Variants in GRIP1 observed in about 807,000 individuals in gnomAD.
GRIP1 encodes the protein glutamate receptor interacting protein 1.
In GRIP1, 45 loss-of-function variants were observed where a neutral mutation model predicts 129.9. That is an observed-to-expected ratio of 0.35 (90% confidence interval 0.27 to 0.44). The LOEUF is 0.44. Ranked by LOEUF, GRIP1 falls within the 20% of genes least tolerant of loss-of-function variation. The probability of loss-of-function intolerance (pLI) is 1.00; values close to 1 mark genes in which losing one functional copy is unlikely to be tolerated. For synonymous variants in GRIP1, 530 were observed against 520.8 expected, an observed-to-expected ratio of 1.02 and a Z score of -0.24; for missense variants, 1,196 against 1,396.8, an observed-to-expected ratio of 0.86 and a Z score of 2.29.
chr12:66,500,998 T>C (rs1342451055), intron 7 of GRIP1, among the ~76,000 whole-genome samples: 4 of 152,208 alleles, frequency 2.6e-5, no homozygotes, highest in Non-Finnish European at 1.5e-5. Flanking sequence ...TCTGACCTCC[T>C]GACCTCAAGA....
At chr12:66,798,885 C>G (rs1385169131) in intron 1 of GRIP1, among the ~76,000 whole-genome samples, 1 of 151,798 alleles carries the variant, frequency 6.6e-6, no homozygotes, top group Non-Finnish European at 1.5e-5. Flanking sequence ...GCCTACTGTT[C>G]AAAAAAATAA....
intron 1 of GRIP1, among the ~76,000 whole-genome samples, chr12:66,895,103 C>T (rs1224408026): frequency 1.3e-5 from 2 of 152,334 alleles, no homozygotes; most frequent in Non-Finnish European, 2.9e-5. Flanking sequence ...GAACTGCCTT[C>T]ACCACACCCA....
chr12:66,508,591 C>T (rs141370607), intron 7 of GRIP1, among the ~76,000 whole-genome samples: 37 of 152,114 alleles, frequency 2.4e-4, no homozygotes, highest in African/African-American at 8.7e-4. Context: ...TATAGTTTTG[C>T]AAAGTTTGTG....
intron 1 of GRIP1, among the ~76,000 whole-genome samples, chr12:66,790,461 T>C (rs2038495118): frequency 6.6e-6 from 1 of 152,192 alleles, no homozygotes; most frequent in Non-Finnish European, 1.5e-5. Context: ...TCCACTATTC[T>C]AGTTGTCTAC....
intron 1 of GRIP1, among the ~76,000 whole-genome samples, chr12:66,877,404 A>G (rs1203706820): frequency 1.3e-5 from 2 of 152,078 alleles, no homozygotes; most frequent in African/African-American, 4.8e-5. Flanking sequence ...AGGCAGTGTT[A>G]TTAAATTTTT....
At chr12:66,353,595 G>C in intron 23 of GRIP1, 32 bp from the exon 24 acceptor site, 1 of 1,606,646 alleles carries the variant, frequency 6.2e-7, no homozygotes, top group Non-Finnish European at 8.5e-7. Context: ...TGAATATTTA[G>C]CTGGGGTGGA....
intron 20 of GRIP1, 135 bp from the exon 21 acceptor site, chr12:66,377,420 C>G: frequency 2.9e-6 from 2 of 691,350 alleles, no homozygotes; most frequent in Non-Finnish European, 5.2e-6. Flanking sequence ...CTCCGCCTCC[C>G]GGGTTCACAC....
chr12:66,353,664 A>C, intron 23 of GRIP1, 101 bp from the exon 24 acceptor site: 1 of 1,012,290 alleles, frequency 9.9e-7, no homozygotes, highest in Non-Finnish European at 1.6e-6. Context: ...TAGTCACATC[A>C]TGATTTGTAA....
rs564710249 is a variant in GRIP1 at position 66,868,894 on chromosome 12, T to C, written c.58+200156A>G. On this transcript the variant is annotated intron_variant, in intron 1 of 1. Coordinates refer to the GRIP1 transcript ENST00000643019. ...ACATGAGGACAAAATGTACAACTTG[T>C]CGTTTACAAAGTTATCTTTCACAAG... Among the ~76,000 whole-genome samples, 17 of 152,262 alleles carry C rather than the reference T, an allele frequency of 1.1e-4. No individual in the cohort carries two copies. The South Asian group carries it at 3.3e-3, about 30-fold the overall frequency.
intron 1 of GRIP1, among the ~76,000 whole-genome samples, chr12:66,739,686 CA>C (rs199909603): frequency 0.021 from 3,256 of 151,482 alleles, 71 homozygotes; most frequent in Non-Finnish European, 0.032. Context: ...CACCATGGCA[CA>C]CATTTACCTA....
At chr12:66,478,805 C>T (rs960009864) in intron 7 of GRIP1, among the ~76,000 whole-genome samples, 1 of 152,126 alleles carries the variant, frequency 6.6e-6, no homozygotes, top group Non-Finnish European at 1.5e-5. Flanking sequence ...TGCATGTTCT[C>T]ACTCATAGGT....
At chr12:66,375,251 TCTC>T (rs2055730567) in intron 22 of GRIP1, among the ~76,000 whole-genome samples, 1 of 152,172 alleles carries the variant, frequency 6.6e-6, no homozygotes, top group Non-Finnish European at 1.5e-5. Flanking sequence ...TTCAAATTTC[TCTC>T]CTTTGTTAAA....
intron 1 of GRIP1, among the ~76,000 whole-genome samples, chr12:66,717,066 T>C (rs1238024459): frequency 6.6e-6 from 1 of 152,100 alleles, no homozygotes; most frequent in East Asian, 1.9e-4. Context: ...GCAGGAGTGA[T>C]CTTTAGAAAC....
intron 23 of GRIP1, among the ~76,000 whole-genome samples, chr12:66,366,361 G>A (rs895081850): frequency 5.3e-5 from 8 of 152,172 alleles, no homozygotes; most frequent in Non-Finnish European, 8.8e-5. Flanking sequence ...CTCCTTCTAA[G>A]GAGCAAAACA....
At chr12:66,921,674 C>T (rs1008992454) in intron 1 of GRIP1, among the ~76,000 whole-genome samples, 1 of 152,200 alleles carries the variant, frequency 6.6e-6, no homozygotes, top group African/African-American at 2.4e-5. Flanking sequence ...TAGCAAAGAG[C>T]TAGGACTGAA....
chr12:67,056,778 G>A (rs1165927559), intron 1 of GRIP1, among the ~76,000 whole-genome samples: 1 of 152,072 alleles, frequency 6.6e-6, no homozygotes, highest in Non-Finnish European at 1.5e-5. Context: ...TAATCTTCCT[G>A]TTATGGACTG....
chr12:67,050,720 C>T (rs1001735248), intron 1 of GRIP1, among the ~76,000 whole-genome samples: 1 of 152,110 alleles, frequency 6.6e-6, no homozygotes, highest in Non-Finnish European at 1.5e-5. Flanking sequence ...ATGTTCTGAA[C>T]TACATTACCC....
Position 66,949,925 on chromosome 12 carries a change from C to T in GRIP1, c.58+119125G>A, listed in dbSNP as rs532780929. The stretch of plus-strand genomic sequence containing the variant: ...CTGGGACTACAGGTGCCCGCCACCA[C>T]GCCCGGCTAATTTTTTGTATTTTTG... On this transcript the variant is annotated intron_variant, in intron 1 of 1. Coordinates refer to the GRIP1 transcript ENST00000643019. 5.9e-5 allele frequency among the ~76,000 whole-genome samples: 9 copies of T among 151,966 alleles called. No homozygotes were observed. In the East Asian group the frequency reaches 7.8e-4, roughly 13 times the overall value.
intron 23 of GRIP1, among the ~76,000 whole-genome samples, chr12:66,367,555 G>A (rs1565670515): frequency 1.3e-5 from 2 of 152,158 alleles, no homozygotes; most frequent in Non-Finnish European, 2.9e-5. Flanking sequence ...CCAAACTACT[G>A]TCTAAGGCTT....
Sources: allele counts gnomAD v4.1 joint callset (sites outside exome capture counted in the v4.1 genomes callset), GRCh38; gene constraint gnomAD v4.1.1; transcripts MANE v1.5; gene names NCBI Gene and HGNC (gene_info 2026-07-23, HGNC 2026-07-21).